The following SMYD3 variants were observed in gnomAD, a reference collection of about 807,000 sequenced individuals.
The protein encoded by SMYD3 is histone-lysine N-methyltransferase SMYD3.
A neutral mutation model predicts 57.7 loss-of-function variants in SMYD3; 36 were observed. The observed-to-expected ratio is 0.62, with a 90% CI of 0.48 to 0.82. The LOEUF (loss-of-function observed/expected upper bound fraction) is 0.82. Among genes scored for constraint, SMYD3 ranks in the 40% least tolerant of loss-of-function variants. The pLI is 0.00. For synonymous variants in SMYD3, 211 were observed against 195.0 expected (o/e 1.08, Z -0.68); for missense variants, 515 against 538.8 (o/e 0.96, Z 0.44).
At chr1:245,916,554 C>A (rs2055436306) in intron 7 of SMYD3, among the ~76,000 whole-genome samples, 1 of 152,106 alleles carries the variant, frequency 6.6e-6, no homozygotes, top group South Asian at 2.1e-4. Flanking sequence ...TCAGAGTCAT[C>A]CTTGACTTCA....
chr1:246,171,773 G>A (rs2062338345), intron 5 of SMYD3, among the ~76,000 whole-genome samples: 1 of 152,238 alleles, frequency 6.6e-6, no homozygotes, highest in South Asian at 2.1e-4. Context: ...TGCTTTGGGA[G>A]GCCAAGGTGG....
At chr1:245,783,524 A>G (rs2046916423) in intron 10 of SMYD3, among the ~76,000 whole-genome samples, 1 of 152,176 alleles carries the variant, frequency 6.6e-6, no homozygotes, top group Non-Finnish European at 1.5e-5. Flanking sequence ...CATATTGAAC[A>G]TAATAGTGGA....
At chr1:246,498,767 G>GCTTAT (rs1387897899) in intron 1 of SMYD3, among the ~76,000 whole-genome samples, 1 of 149,720 alleles carries the variant, frequency 6.7e-6, no homozygotes, top group Non-Finnish European at 1.5e-5. Flanking sequence ...ATATATACTT[G>GCTTAT]CTTATCTTAA....
chr1:245,838,829 A>C (rs1275260383), intron 10 of SMYD3, among the ~76,000 whole-genome samples: 1 of 152,230 alleles, frequency 6.6e-6, no homozygotes, highest in Non-Finnish European at 1.5e-5. Flanking sequence ...AATGTATGCT[A>C]TGTGAGGTGC....
chr1:245,777,288 T>C (rs1227350787), intron 10 of SMYD3, among the ~76,000 whole-genome samples: 1 of 152,210 alleles, frequency 6.6e-6, no homozygotes, highest in Non-Finnish European at 1.5e-5. Context: ...AATGATGGTG[T>C]AAAGTAATTA....
Position 245,841,053 on chromosome 1 carries a change from T to G in SMYD3, c.1076+17443A>C, listed in dbSNP as rs954987838. 3.3e-5 allele frequency among the ~76,000 whole-genome samples: 5 copies of G among 152,208 alleles called. No individual in the cohort carries two copies. In the South Asian group the frequency reaches 8.3e-4, roughly 25 times the overall value. On this transcript the variant is annotated intron_variant, in intron 10 of 11. Transcript: ENST00000490107. ...TCATTCTTGATGTCCCTTTTACAGA[T>G]TCAAAACATACATTAAGTTATTAAA...
chr1:246,273,660 C>A (rs1159734101), intron 5 of SMYD3, among the ~76,000 whole-genome samples: 1 of 145,646 alleles, frequency 6.9e-6, no homozygotes, highest in Non-Finnish European at 1.5e-5. Flanking sequence ...TCTCGGCTCA[C>A]TGCAACCTCT....
Position 246,116,201 on chromosome 1 carries a change from G to GACACACACACAC in SMYD3, c.532-186276_532-186265dup, listed in dbSNP as rs56722969. Among the ~76,000 whole-genome samples the GACACACACACAC allele has an allele frequency of 5.4e-3, 788 of 145,976 alleles. 7 individuals are homozygous for GACACACACACAC. The highest frequency in any genetic ancestry group is 0.011 in the South Asian group (49 of 4,406). ...CCTATACCTCAAGCACCCTGAGATG[G>GACACACACACAC]ACACACACACACACACACACACACA... On this transcript the variant is annotated intron_variant, in intron 5 of 11. Coordinates refer to ENST00000490107, the MANE Select transcript of SMYD3 (RefSeq NM_001167740.2).
intron 1 of SMYD3, among the ~76,000 whole-genome samples, chr1:246,366,373 G>A (rs965254034): frequency 2.0e-5 from 3 of 152,074 alleles, no homozygotes; most frequent in African/African-American, 7.2e-5. Context: ...TTGAGTCCAA[G>A]AAAAAAGTGA....
Position 246,202,801 on chromosome 1 carries a change from A to G in SMYD3, c.531+124400T>C, listed in dbSNP as rs1273970415. On this transcript the variant is annotated intron_variant, in intron 5 of 11. Transcript: ENST00000490107. This position sits in a 1 kb window ranked among gnomAD's most constrained non-coding sequence, Gnocchi z 4.1. ...TGGTGATACCACAGTAACAAATCCA[A>G]CCCAATCACTCCTCCACCTCTTCGC... is the stretch of plus-strand genomic sequence containing the variant. Among the ~76,000 whole-genome samples, 2 of 152,084 alleles carry G rather than the reference A, an allele frequency of 1.3e-5. No homozygotes were observed. The highest frequency in any genetic ancestry group is 1.9e-4 in the East Asian group (1 of 5,188).
At chr1:245,977,017 TCGTCTCTAGCCC>T (rs1558551266) in intron 5 of SMYD3, among the ~76,000 whole-genome samples, 6 of 118,292 alleles carry the variant, frequency 5.1e-5, no homozygotes, top group East Asian at 2.4e-4. Flanking sequence ...GGGAAAGCCA[TCGTCTCTAGCCC>T]AGGGAAAGCC....
intron 1 of SMYD3, among the ~76,000 whole-genome samples, chr1:246,356,293 A>T (rs1381130827): frequency 3.3e-5 from 5 of 152,184 alleles, no homozygotes; most frequent in Non-Finnish European, 7.3e-5. Context: ...GTATCTGAAC[A>T]GCAGCCCTTG....
intron 10 of SMYD3, among the ~76,000 whole-genome samples, chr1:245,782,831 G>GAGAAC (rs1419427924): frequency 6.6e-6 from 1 of 152,256 alleles, no homozygotes. Flanking sequence ...TAATGCCAGA[G>GAGAAC]TCTAGGAGTT....
chr1:246,060,738 A>C lies in SMYD3; in HGVS notation c.532-130801T>G, dbSNP rs561097846. 2.0e-5 allele frequency among the ~76,000 whole-genome samples: 3 copies of C among 152,278 alleles called. No homozygotes were observed. In the South Asian group the frequency reaches 6.2e-4, roughly 32 times the overall value. On this transcript the variant is annotated intron_variant, in intron 5 of 11. Coordinates refer to ENST00000490107, the MANE Select transcript of SMYD3 (RefSeq NM_001167740.2). ...CATAATCACTCAGCTCCCATAAAGA[A>C]AGACATCCAGGACCCACTTTATCTT...
chr1:246,424,324 G>T (rs1041913522), intron 1 of SMYD3, among the ~76,000 whole-genome samples: 5 of 151,654 alleles, frequency 3.3e-5, no homozygotes, highest in Non-Finnish European at 7.4e-5. Flanking sequence ...AAACAAACAA[G>T]TATAGCTAAC....
At chr1:245,991,383 C>A (rs779042121) in intron 5 of SMYD3, among the ~76,000 whole-genome samples, 2 of 152,202 alleles carry the variant, frequency 1.3e-5, no homozygotes, top group Non-Finnish European at 2.9e-5. Flanking sequence ...AAGCCACGTG[C>A]ATTTGTTATC....
chr1:246,013,374 T>C (rs1177350696), intron 5 of SMYD3, among the ~76,000 whole-genome samples: 1 of 152,078 alleles, frequency 6.6e-6, no homozygotes, highest in Non-Finnish European at 1.5e-5. Context: ...GGGATGGGGC[T>C]TCACCATGTT....
chr1:246,507,179 C>A lies in SMYD3; in HGVS notation c.39G>T (p.Lys13Asn), dbSNP rs7520453. 7 of 1,529,746 alleles carry A rather than the reference C, an allele frequency of 4.6e-6. No homozygotes were observed. The East Asian group carries it at 1.8e-4, about 40-fold the overall frequency. 94.8% of individuals were successfully genotyped at this position (1,529,746 alleles called of 1,614,324 possible). Residue 13 changes from lysine to asparagine, a missense_variant, in exon 1 of 12, where the codon AAG becomes AAT. By Grantham distance (94) the Lys-to-Asn change is moderately conservative (BLOSUM62 0). Coordinates refer to ENST00000490107, the MANE Select transcript of SMYD3 (RefSeq NM_001167740.2). Reference sequence around the variant, plus strand: ...TCACGGCGCGCAGCCCGTTTCCCCTCTTGGCGGTTGCGAACTTTTCCACCT... The same window carrying A: ...TCACGGCGCGCAGCCCGTTTCCCCTATTGGCGGTTGCGAACTTTTCCACCT... ...PLKVEKFATA[K>N]RGNGLRAVTP...
At chr1:246,111,537 T>C (rs2061242304) in intron 5 of SMYD3, 1 of 152,240 alleles carries the variant, frequency 6.6e-6, no homozygotes. Context: ...AAGGTGTGTA[T>C]CTTTCCTCTT....
Sources: allele counts gnomAD v4.1 joint callset (sites outside exome capture counted in the v4.1 genomes callset), GRCh38; gene constraint gnomAD v4.1.1; non-coding constraint Gnocchi (gnomAD v3.1); transcripts MANE v1.5; gene names NCBI Gene and HGNC (gene_info 2026-07-23, HGNC 2026-07-21).